NOC2L: variants seen among roughly 807,000 people sequenced by gnomAD.
The protein encoded by NOC2L is NOC2 like nucleolar associated transcriptional repressor, also known as nucleolar complex protein 2 homolog.
Under a neutral mutation model 94.2 loss-of-function variants are expected in NOC2L, and 101 were observed. The ratio of observed to expected loss-of-function variants is 1.07; its 90% CI spans 0.91 to 1.26. The LOEUF (loss-of-function observed/expected upper bound fraction) is 1.26, where lower values mean the gene tolerates loss of function less well. NOC2L is among the 50% of genes most tolerant of loss of function. The probability of loss-of-function intolerance (pLI) is 0.00; values close to 1 mark genes in which losing one functional copy is unlikely to be tolerated. For missense variants in NOC2L, 1,076 were observed against 980.1 expected, an observed-to-expected ratio of 1.10 and a Z score of -1.31; for synonymous variants, 531 against 413.4, an observed-to-expected ratio of 1.28 and a Z score of -3.45.
At chr1:946,056 C>T (rs1029781110) in intron 16 of NOC2L, 117 bp downstream of exon 16, 25 of 769,592 alleles carry the variant, frequency 3.2e-5, no homozygotes, top group Admixed American at 3.2e-4. Flanking sequence ...CATCCGGGCA[C>T]GGCCCTGGCC....
rs777250634 is a variant in NOC2L, at chr1:945,150, AG to A, written c.2054-5del. The A allele has an allele frequency of 3.1e-6, 5 of 1,596,342 alleles. No individual in the cohort carries two copies. In the South Asian group the frequency reaches 5.6e-5, roughly 18 times the overall value. On this transcript the variant is annotated splice_region_variant and splice_polypyrimidine_tract_variant and intron_variant, in intron 17 of 18. Transcript: ENST00000327044. The stretch of plus-strand genomic sequence containing the variant: ...GTGCTCAGGGGCCTCAGTATCCCTG[AG>A]GAACAAGAAGCAGAGTCCATATGAC...
chr1:952,056 G>A lies in NOC2L; in HGVS notation c.1275C>T (p.Ser425=), dbSNP rs202229466. 2.1e-4 allele frequency: 345 copies of A among 1,613,640 alleles called. 2 individuals are homozygous for A. The South Asian group carries it at 2.2e-3, about 10-fold the overall frequency. The change falls in exon 11 of 19, where the codon AGC becomes AGT. Residue 425 remains serine, a synonymous_variant. Coordinates refer to ENST00000327044, the MANE Select transcript of NOC2L (RefSeq NM_015658.4). Reference sequence around the variant, plus strand: ...GGTAGACCAAGGGCTGGAGGGCTTCGCTGGGGCCCGCAGTGCTCAGGACCC... The same window carrying A: ...GGTAGACCAAGGGCTGGAGGGCTTCACTGGGGCCCGCAGTGCTCAGGACCC... The part of the protein sequence containing the change: ...WCRVLSTAGP[S]EALQPLVYPL...
chr1:948,372 G>A (rs1642172820), intron 13 of NOC2L, 118 bp downstream of exon 13: 3 of 1,047,070 alleles, frequency 2.9e-6, no homozygotes. Context: ...CCCAGCCCTG[G>A]GAGACCATGA....
Position 951,204 on chromosome 1 carries a change from T to A in NOC2L, c.1366A>T (p.Met456Leu). ...IPTARFYPLR[M>L]HCIRALTLLS... ...AGCGTCAGGGCACGGATGCAGTGCA[T>A]TCGCAGCGGGTAGAAGCGGGCAGTG... Residue 456 changes from methionine to leucine, a missense_variant, in exon 12 of 19, where the codon ATG (methionine) becomes TTG (leucine). Physicochemically the swap from Met to Leu is conservative, Grantham distance 15. Around this residue, in one of 3 missense-constraint regions of NOC2L, gnomAD observed 615 missense variants for 577.4 expected, o/e 1.07. Transcript: ENST00000327044. 2.5e-6 allele frequency: 4 copies of A among 1,594,976 alleles called. No homozygotes were observed. Among genetic ancestry groups the A allele is most frequent in the Non-Finnish European group, 3.4e-6 (4 of 1,171,000 alleles).
chr1:957,213 G>A lies in NOC2L; in HGVS notation c.240C>T (p.Asp80=), dbSNP rs138027348. 293 of 1,613,938 alleles carry A rather than the reference G, an allele frequency of 1.8e-4. No individual in the cohort carries two copies. The African/African-American group carries it at 2.8e-3, about 15-fold the overall frequency. ...CCTGCAGGAACTTGTAGAACTCGGG[G>A]TCTCTGTCCTTCAGCCGAGAGAGCT... ...KDQLSRLKDR[D]PEFYKFLQEN... is the part of the protein sequence containing the mutation. The change falls in exon 3 of 19, where the codon GAC becomes GAT. Residue 80 remains aspartate (D), a synonymous_variant. Coordinates refer to ENST00000327044, the MANE Select transcript of NOC2L (RefSeq NM_015658.4).
In NOC2L at chr1:947,477, G is replaced by A. The variant is rs541937335; in HGVS notation, c.1659+654C>T. Reference sequence around the variant, plus strand: ...CCCCACACTGCACAGACCTATAGTCGGCACATCTGATTCCAGCCACCAGGG... The same window carrying A: ...CCCCACACTGCACAGACCTATAGTCAGCACATCTGATTCCAGCCACCAGGG... On this transcript the variant is annotated intron_variant, in intron 14 of 18. Transcript: ENST00000327044. Among the ~76,000 whole-genome samples, 5 of 152,304 alleles carry A rather than the reference G, an allele frequency of 3.3e-5. No homozygotes were observed. The South Asian group carries it at 6.2e-4, about 19-fold the overall frequency.
Position 944,466 on chromosome 1 carries a change from TGACTTCAGCAG to T in NOC2L, c.*217_*227del. Reference sequence around the variant, plus strand: ...GTCAGGGTCAGCTCCCCCGCGGAGCTGACTTCAGCAGCCCACAGCTGTGGGGCTTCAGCAGC... The same window carrying T: ...GTCAGGGTCAGCTCCCCCGCGGAGCTCCCACAGCTGTGGGGCTTCAGCAGC... On this transcript the variant is annotated 3_prime_UTR_variant, in exon 19 of 19. Coordinates refer to ENST00000327044, the MANE Select transcript of NOC2L (RefSeq NM_015658.4). The T allele has an allele frequency of 5.2e-6, 4 of 763,130 alleles. No individual in the cohort carries two copies. 47.3% of individuals were successfully genotyped at this position (763,130 alleles called of 1,614,324 possible).
At chr1:954,168 G>A in intron 6 of NOC2L, 86 bp from the exon 7 acceptor site, 5 of 1,320,624 alleles carry the variant, frequency 3.8e-6, no homozygotes, top group Admixed American at 1.9e-5. Context: ...GCCCTGGCCA[G>A]CATAGCCTCT....
intron 6 of NOC2L, chr1:954,529 CAAAGA>C (rs1642346339): frequency 6.1e-6 from 1 of 163,004 alleles, no homozygotes; most frequent in East Asian, 1.8e-4. Flanking sequence ...ATTTGCTGCA[CAAAGA>C]AAAGAAAATC....
At chr1:957,366 T>C (rs533673468) in intron 2 of NOC2L, 93 bp from the exon 3 acceptor site, 4 of 1,197,746 alleles carry the variant, frequency 3.3e-6, no homozygotes, top group Middle Eastern at 2.1e-4. Context: ...TTCACAAGGG[T>C]TACCAACTAG....
chr1:946,087 C>T, intron 16 of NOC2L, 86 bp downstream of exon 16: 3 of 1,043,350 alleles, frequency 2.9e-6, no homozygotes, highest in Non-Finnish European at 4.3e-6. Context: ...GTTTCCAAAC[C>T]CTCGCCCTGG....
At chr1:946,071 G>A (rs1642099432) in intron 16 of NOC2L, 102 bp downstream of exon 16, 1 of 888,620 alleles carries the variant, frequency 1.1e-6, no homozygotes, top group Non-Finnish European at 1.8e-6. Flanking sequence ...CTGGCCGCCT[G>A]GCACTGTTTC....
chr1:944,920 G>A, intron 18 of NOC2L, 120 bp from the exon 19 acceptor site: 1 of 1,443,336 alleles, frequency 6.9e-7, no homozygotes, highest in African/African-American at 1.4e-5. Context: ...CTGGCTGCCA[G>A]AGAACAGAGC....
At chr1:945,434 G>C in intron 17 of NOC2L, 84 bp downstream of exon 17, 1 of 1,515,542 alleles carries the variant, frequency 6.6e-7, no homozygotes, top group Non-Finnish European at 9.0e-7. Context: ...TGCAGGATGG[G>C]TACAGGTGGC....
Position 953,303 on chromosome 1 carries a change from A to ACGTC in NOC2L, c.889-19_889-16dup. 4.1e-6 allele frequency: 6 copies of ACGTC among 1,477,282 alleles called. No homozygotes were observed. The highest frequency in any genetic ancestry group is 5.7e-6 in the Non-Finnish European group (6 of 1,056,332). The allele number at this position is 1,477,282 out of a possible 1,614,324, so 91.5% of individuals were successfully genotyped here. A position where few individuals can be genotyped will look rare whatever the true frequency, so the allele number is the denominator to read the frequency against. On this transcript the variant is annotated splice_polypyrimidine_tract_variant and intron_variant, in intron 8 of 18. Transcript: ENST00000327044. ...ATCACCATTCTCTGCAGAAGGTCAGACGTCACTGGTGGCCCCCCAGCCTCC... is the reference window on the plus strand; with the variant it reads ...ATCACCATTCTCTGCAGAAGGTCAGACGTCCGTCACTGGTGGCCCCCCAGCCTCC...
rs745495237 is a variant in NOC2L at position 956,899 on chromosome 1, C to T, written c.481G>A (p.Ala161Thr). 7.5e-5 allele frequency: 121 copies of T among 1,613,586 alleles called. No individual in the cohort carries two copies. The highest frequency in any genetic ancestry group is 1.0e-4 in the Non-Finnish European group (118 of 1,180,034). Reference protein sequence around the residue: ...VAMVERWKQAAKQRLTPKLFH... With the variant: ...VAMVERWKQATKQRLTPKLFH... ...CGCCCCTGGCTGCTGCTCACCTTTG[C>T]TGCCTGCTTCCATCTCTCAACCATG... The change falls in exon 4 of 19, where the codon GCA becomes ACA. Residue 161 changes from alanine to threonine, a missense_variant. Coordinates refer to ENST00000327044, the MANE Select transcript of NOC2L (RefSeq NM_015658.4).
At chr1:951,062 G>A (rs561902054) in intron 12 of NOC2L, 65 bp downstream of exon 12, 44 of 1,279,400 alleles carry the variant, frequency 3.4e-5, no homozygotes, top group South Asian at 1.0e-4. Flanking sequence ...ACAGACGCCC[G>A]GAGCAGCAGA....
chr1:946,184 C>T lies in NOC2L; in HGVS notation c.1906G>A (p.Gly636Ser). ...RDREIQLEIS[G>S]KERLEDLNFP... ...TCGCCGAGCCGCACCCGCTCTTTGC[C>T]ACTGATCTCCAGCTGGATCTCCCGG... The change falls in exon 16 of 19, where the codon GGC becomes AGC. Residue 636 changes from glycine (G) to serine (S), a missense_variant. Physicochemically the swap from Gly to Ser is moderately conservative, Grantham distance 56 (BLOSUM62 0). Transcript: ENST00000327044. The T allele has an allele frequency of 6.2e-7, 1 of 1,611,000 alleles. No individual in the cohort carries two copies. The highest frequency in any genetic ancestry group is 8.5e-7 in the Non-Finnish European group (1 of 1,177,896).
chr1:946,091 G>A (rs577367675), intron 16 of NOC2L, 82 bp downstream of exon 16: 4 of 1,060,054 alleles, frequency 3.8e-6, no homozygotes, highest in South Asian at 1.4e-5. Context: ...CCAAACCCTC[G>A]CCCTGGTCTC....
Sources: gnomAD v4.1 joint callset for allele counts (sites outside exome capture counted in the v4.1 genomes callset) on GRCh38, gnomAD v4.1.1 for gene constraint, gnomAD v4.1.1 regional missense constraint, MANE v1.5 for transcripts, NCBI Gene and HGNC (gene_info 2026-07-23, HGNC 2026-07-21) for gene names.